Variants in MTAP observed in about 807,000 individuals in gnomAD.
MTAP encodes S-methyl-5'-thioadenosine phosphorylase.
Under a neutral mutation model 33.6 loss-of-function variants are expected in MTAP, and 33 were observed. The observed-to-expected ratio is 0.98, with a 90% confidence interval of 0.74 to 1.31. The LOEUF is 1.31. MTAP is among the 40% of genes most tolerant of loss of function. The pLI, the probability that MTAP is intolerant of heterozygous loss-of-function variation, is 0.00. For missense variants in MTAP, 367 were observed against 360.0 expected (o/e 1.02, Z -0.16); for synonymous variants, 148 against 125.7 (o/e 1.18, Z -1.19).
In MTAP at chr9:21,863,923, G is replaced by A; in HGVS notation, c.*1909G>A. 1 of 985,796 alleles carries A rather than the reference G, an allele frequency of 1.0e-6. No homozygotes were observed. The highest frequency in any genetic ancestry group is 1.7e-5 in the African/African-American group (1 of 57,340). The allele number at this position is 985,796 out of a possible 1,614,324, so 61.1% of individuals were successfully genotyped here. Reference sequence around the variant, plus strand: ...GATTATGACCCTTGGACTTCCTGATGTAGTATTAAATTTCAACTCTGGTTA... The same window carrying A: ...GATTATGACCCTTGGACTTCCTGATATAGTATTAAATTTCAACTCTGGTTA... On this transcript the variant is annotated 3_prime_UTR_variant, in exon 8 of 8. Transcript: ENST00000644715.
chr9:21,938,818 A>C (rs1026680202), downstream of MTAP, among the ~76,000 whole-genome samples: 4 of 152,208 alleles, frequency 2.6e-5, no homozygotes, highest in Non-Finnish European at 4.4e-5. Context: ...AAAATATTGA[A>C]ATGTGTGGGT....
Position 21,859,304 on chromosome 9 carries a change from T to C in MTAP, c.692T>C (p.Val231Ala). 6.2e-7 allele frequency: 1 copy of C among 1,607,936 alleles called. No homozygotes were observed. Among genetic ancestry groups the C allele is most frequent in the Non-Finnish European group, 8.5e-7 (1 of 1,178,122 alleles). ...YDCWKEHEEA[V>A]SVDRVLKTLK... ...CCTCCAGTGCTATTGTTTCTCTAGG[T>C]TTCGGTGGACCGGGTCTTAAAGACC... Residue 231 changes from valine to alanine, a missense_variant and splice_region_variant, in exon 7 of 8, where the codon GTT becomes GCT. By Grantham distance (64) the Val-to-Ala change is moderately conservative. Transcript: ENST00000644715.
chr9:21,880,938 A>AC (rs540920483), intron 1 of MTAP, among the ~76,000 whole-genome samples: 1 of 151,828 alleles, frequency 6.6e-6, no homozygotes, highest in African/African-American at 2.4e-5. Context: ...ATCTCAAAGG[A>AC]CCCCCCAGTA....
intron 1 of MTAP, among the ~76,000 whole-genome samples, chr9:21,915,667 T>G (rs996325761): frequency 1.1e-4 from 16 of 152,182 alleles, no homozygotes; most frequent in Admixed American, 4.6e-4. Flanking sequence ...AGTGATATAA[T>G]CTGACTTGCA....
chr9:21,826,239 A>G (rs954551005), intron 4 of MTAP, among the ~76,000 whole-genome samples: 18 of 148,152 alleles, frequency 1.2e-4, no homozygotes, highest in African/African-American at 4.2e-4. Context: ...TTAGTATTAG[A>G]TATCTAGGAA....
chr9:21,859,119 A>C, intron 6 of MTAP, 184 bp from the exon 7 acceptor site: 2 of 681,660 alleles, frequency 2.9e-6, no homozygotes, highest in South Asian at 4.5e-5. Context: ...CTCTGCCTTC[A>C]TGACCTAATT....
At chr9:21,896,053 C>T (rs1818286488) in intron 1 of MTAP, among the ~76,000 whole-genome samples, 1 of 152,206 alleles carries the variant, frequency 6.6e-6, no homozygotes, top group African/African-American at 2.4e-5. Context: ...GAAATTATAA[C>T]AAACTGTCTC....
At chr9:21,849,753 T>C (rs147699706) in intron 5 of MTAP, among the ~76,000 whole-genome samples, 1 of 152,350 alleles carries the variant, frequency 6.6e-6, no homozygotes, top group African/African-American at 2.4e-5. Flanking sequence ...ATTTGGCCCA[T>C]ACAGAAGACA....
chr9:21,890,843 G>A (rs1306973329), intron 1 of MTAP, among the ~76,000 whole-genome samples: 2 of 147,524 alleles, frequency 1.4e-5, no homozygotes, highest in Non-Finnish European at 1.5e-5. Context: ...CAAAAGGTCT[G>A]TGAATTATTT....
chr9:21,898,839 T>A (rs1172171583), intron 1 of MTAP, among the ~76,000 whole-genome samples: 1 of 152,108 alleles, frequency 6.6e-6, no homozygotes, highest in Non-Finnish European at 1.5e-5. Context: ...TCCTCAAGGA[T>A]CTAGAACTAG....
chr9:21,830,189 A>G (rs544065335), intron 4 of MTAP, among the ~76,000 whole-genome samples: 1 of 152,376 alleles, frequency 6.6e-6, no homozygotes, highest in South Asian at 2.1e-4. Context: ...TCTAGAACTT[A>G]AATTCCAAAA....
At chr9:21,832,032 C>G (rs1432281706) in intron 4 of MTAP, among the ~76,000 whole-genome samples, 2 of 152,192 alleles carry the variant, frequency 1.3e-5, no homozygotes, top group Non-Finnish European at 2.9e-5. Context: ...ACTTAGTGTC[C>G]TCATCTGCTA....
At chr9:21,844,460 C>T (rs1445557211) in intron 5 of MTAP, among the ~76,000 whole-genome samples, 7 of 152,144 alleles carry the variant, frequency 4.6e-5, no homozygotes, top group South Asian at 2.1e-4. Flanking sequence ...CCCTGATGTA[C>T]GTAGATGCAA....
At chr9:21,939,962 A>G (rs1819109222), downstream of MTAP, among the ~76,000 whole-genome samples, 4 of 152,050 alleles carry the variant, frequency 2.6e-5, no homozygotes, top group Admixed American at 1.3e-4. Context: ...TAAATAGAAT[A>G]TCATACTTAA....
chr9:21,832,943 G>A (rs1825010396), intron 4 of MTAP, among the ~76,000 whole-genome samples: 1 of 152,126 alleles, frequency 6.6e-6, no homozygotes, highest in South Asian at 2.1e-4. Flanking sequence ...GCCCAAAGAG[G>A]TTGTTGTCAC....
At chr9:21,912,886 A>G (rs1050611080) in intron 1 of MTAP, among the ~76,000 whole-genome samples, 4 of 152,224 alleles carry the variant, frequency 2.6e-5, no homozygotes, top group Non-Finnish European at 5.9e-5. Flanking sequence ...AGAAAACCCC[A>G]TCGTCTCAGT....
rs1818030664 is a variant in MTAP, at chr9:21,882,431, A to G, written c.147+27561A>G. Among the ~76,000 whole-genome samples, 4 of 152,144 alleles carry G rather than the reference A, an allele frequency of 2.6e-5. No homozygotes were observed. In the South Asian group the frequency reaches 8.3e-4, roughly 31 times the overall value. On this transcript the variant is annotated intron_variant, in intron 1 of 1. Coordinates refer to the MTAP transcript ENST00000577563. ...ATAAATAGAAAAACATCCTGTGTTTATTGATCCGAAGAGTTAATATTAGAT... is the reference window on the plus strand; with the variant it reads ...ATAAATAGAAAAACATCCTGTGTTTGTTGATCCGAAGAGTTAATATTAGAT...
At chr9:21,880,773 G>A (rs567212421) in intron 1 of MTAP, among the ~76,000 whole-genome samples, 2 of 152,074 alleles carry the variant, frequency 1.3e-5, no homozygotes, top group South Asian at 4.2e-4. Flanking sequence ...CAAATAAATG[G>A]AAAGACATTT....
chr9:21,891,776 AC>A (rs756623749), intron 1 of MTAP, among the ~76,000 whole-genome samples: 9 of 152,136 alleles, frequency 5.9e-5, no homozygotes, highest in Non-Finnish European at 8.8e-5. Flanking sequence ...ATTTAGAGAA[AC>A]CCTGTAAGAT....
Sources: gnomAD v4.1 joint callset for allele counts (sites outside exome capture counted in the v4.1 genomes callset) on GRCh38, gnomAD v4.1.1 for gene constraint, MANE v1.5 for transcripts, NCBI Gene and HGNC (gene_info 2026-07-23, HGNC 2026-07-21) for gene names.